Variants in PGGT1B observed in about 807,000 individuals in gnomAD.
The protein encoded by PGGT1B is geranylgeranyl transferase type-1 subunit beta.
Under a neutral mutation model 46.1 loss-of-function variants are expected in PGGT1B, and 30 were observed. The ratio of observed to expected loss-of-function variants is 0.65; its 90% CI spans 0.49 to 0.88. The LOEUF (loss-of-function observed/expected upper bound fraction) is 0.88, where lower values mean the gene tolerates loss of function less well. Among genes scored for constraint, PGGT1B ranks in the 40% least tolerant of loss-of-function variants. The pLI is 0.00. For synonymous variants in PGGT1B, 170 were observed against 160.0 expected, an observed-to-expected ratio of 1.06 and a Z score of -0.47; for missense variants, 376 against 455.9, an observed-to-expected ratio of 0.82 and a Z score of 1.60.
At chr5:115,234,970 CT>C (rs796318876) in intron 5 of PGGT1B, among the ~76,000 whole-genome samples, 8 of 152,102 alleles carry the variant, frequency 5.3e-5, no homozygotes, top group African/African-American at 1.9e-4. Context: ...AATGAGCATA[CT>C]TAGTACCCAG....
At chr5:115,216,264 C>T (rs1461471731) in intron 8 of PGGT1B, among the ~76,000 whole-genome samples, 1 of 152,090 alleles carries the variant, frequency 6.6e-6, no homozygotes, top group African/African-American at 2.4e-5. Context: ...CTCAGACTCC[C>T]GCATAGCTGG....
chr5:115,229,669 A>G (rs1173675522), intron 6 of PGGT1B, among the ~76,000 whole-genome samples: 1 of 152,134 alleles, frequency 6.6e-6, no homozygotes, highest in Non-Finnish European at 1.5e-5. Flanking sequence ...CAGAGTGTAC[A>G]CTAATACCAC....
chr5:115,251,245 T>C (rs1340888827), intron 2 of PGGT1B, among the ~76,000 whole-genome samples: 4 of 152,230 alleles, frequency 2.6e-5, no homozygotes, highest in Admixed American at 1.3e-4. Context: ...TGCTACATTT[T>C]TGTGAACCCT....
intron 2 of PGGT1B, among the ~76,000 whole-genome samples, chr5:115,248,001 T>A (rs1454397645): frequency 6.6e-6 from 1 of 152,208 alleles, no homozygotes. Flanking sequence ...TGCAACACGC[T>A]TGACTTAGCC....
chr5:115,240,331 T>G (rs990017686), intron 3 of PGGT1B, among the ~76,000 whole-genome samples: 12 of 152,198 alleles, frequency 7.9e-5, no homozygotes, highest in African/African-American at 2.4e-4. Context: ...AAAAGTAATG[T>G]TATTAAAGCA....
chr5:115,239,034 C>G (rs34434304), intron 3 of PGGT1B, among the ~76,000 whole-genome samples: 25,639 of 151,950 alleles, frequency 0.17, 2,767 homozygotes, highest in Middle Eastern at 0.33. Flanking sequence ...ACCTACCCAC[C>G]TTTAGATACA....
At chr5:115,214,058 T>C (rs892579372) in intron 8 of PGGT1B, among the ~76,000 whole-genome samples, 1 of 152,176 alleles carries the variant, frequency 6.6e-6, no homozygotes. Flanking sequence ...ATTACATCCA[T>C]ATAGTTATTC....
In PGGT1B at chr5:115,207,211, T is replaced by TA. The variant is rs1480691888; in HGVS notation, c.*5190_*5191insT. On this transcript the variant is annotated 3_prime_UTR_variant, in exon 9 of 9. Coordinates refer to ENST00000419445, the MANE Select transcript of PGGT1B (RefSeq NM_005023.4). ...TATATATATATATATATATATAGTCTTGTTACTCTTTTTAGTAAACATTTT... is the reference window on the plus strand; with the variant it reads ...TATATATATATATATATATATAGTCTATGTTACTCTTTTTAGTAAACATTTT... 22 of 40,158 alleles carry TA rather than the reference T, an allele frequency of 5.5e-4. No homozygotes were observed. The South Asian group carries it at 9.9e-3, about 18-fold the overall frequency. The allele number at this position is 40,158 out of a possible 1,614,324, so 2.5% of individuals were successfully genotyped here.
At chr5:115,239,046 A>T (rs1402437152) in intron 3 of PGGT1B, among the ~76,000 whole-genome samples, 5 of 146,406 alleles carry the variant, frequency 3.4e-5, no homozygotes, top group Admixed American at 2.0e-4. Context: ...TTAGATACAC[A>T]TTTTTTTTTT....
chr5:115,252,512 T>C (rs1366119536), intron 2 of PGGT1B, among the ~76,000 whole-genome samples: 1 of 152,026 alleles, frequency 6.6e-6, no homozygotes, highest in African/African-American at 2.4e-5. Context: ...ATTTATAACA[T>C]GTATAAGTTA....
rs889745236 is a variant in PGGT1B, at chr5:115,247,356, A to C, written c.260-5750T>G. Reference sequence around the variant, plus strand: ...ATTATATTTAGGTATAATAAAGGACAGCTCTTGGGCCAAAATATCACCATA... The same window carrying C: ...ATTATATTTAGGTATAATAAAGGACCGCTCTTGGGCCAAAATATCACCATA... On this transcript the variant is annotated intron_variant, in intron 2 of 8. Coordinates refer to ENST00000419445, the MANE Select transcript of PGGT1B (RefSeq NM_005023.4). Among the ~76,000 whole-genome samples, 4 of 152,176 alleles carry C rather than the reference A, an allele frequency of 2.6e-5. No homozygotes were observed. The East Asian group carries it at 7.7e-4, about 29-fold the overall frequency.
rs1756172840 is a variant in PGGT1B, at chr5:115,209,912, C to T, written c.*2490G>A. ...AGATCATGCTGCTGAACTGGCAAAT[C>T]TGGGATTTAAACCCAGGTCATCTGA... On this transcript the variant is annotated 3_prime_UTR_variant, in exon 9 of 9. Transcript: ENST00000419445. The T allele has an allele frequency of 1.3e-5, 2 of 152,052 alleles. No homozygotes were observed. Among genetic ancestry groups the T allele is most frequent in the Non-Finnish European group, 2.9e-5 (2 of 67,990 alleles). The allele number at this position is 152,052 out of a possible 1,614,324, so 9.4% of individuals were successfully genotyped here.
intron 2 of PGGT1B, among the ~76,000 whole-genome samples, chr5:115,248,959 G>A (rs1306926951): frequency 6.6e-6 from 1 of 152,062 alleles, no homozygotes; most frequent in Non-Finnish European, 1.5e-5. Flanking sequence ...CAGTATTTAC[G>A]TATAGCTATG....
intron 3 of PGGT1B, among the ~76,000 whole-genome samples, chr5:115,241,024 A>G (rs764395387): frequency 5.3e-5 from 8 of 152,212 alleles, no homozygotes; most frequent in Admixed American, 2.6e-4. Flanking sequence ...GGATATAACC[A>G]TGAAGAAGTT....
intron 2 of PGGT1B, among the ~76,000 whole-genome samples, chr5:115,246,183 C>G (rs929291553): frequency 6.6e-6 from 1 of 151,938 alleles, no homozygotes; most frequent in African/African-American, 2.4e-5. Flanking sequence ...GAATTCTACC[C>G]CATCTCTACT....
chr5:115,247,549 T>C (rs1179266427), intron 2 of PGGT1B, among the ~76,000 whole-genome samples: 1 of 152,160 alleles, frequency 6.6e-6, no homozygotes, highest in African/African-American at 2.4e-5. Flanking sequence ...TTATATTTTA[T>C]GGATAGAGAA....
chr5:115,228,235 G>C (rs970563328), intron 6 of PGGT1B, among the ~76,000 whole-genome samples: 3 of 152,148 alleles, frequency 2.0e-5, no homozygotes, highest in Non-Finnish European at 4.4e-5. Flanking sequence ...AGTTTTGGGT[G>C]CCATCAACAC....
intron 1 of PGGT1B, among the ~76,000 whole-genome samples, chr5:115,261,472 T>A (rs1748553120): frequency 6.6e-6 from 1 of 152,210 alleles, no homozygotes; most frequent in African/African-American, 2.4e-5. Flanking sequence ...CACTGGCCAA[T>A]ATGGCAACTG....
chr5:115,255,902 C>G (rs534400806), intron 1 of PGGT1B, among the ~76,000 whole-genome samples: 2 of 152,252 alleles, frequency 1.3e-5, no homozygotes, highest in African/African-American at 4.8e-5. Flanking sequence ...TCATTAGAAT[C>G]TGCTTAAAAA....
Sources: gnomAD v4.1 joint callset for allele counts (sites outside exome capture counted in the v4.1 genomes callset) on GRCh38, gnomAD v4.1.1 for gene constraint, MANE v1.5 for transcripts, NCBI Gene and HGNC (gene_info 2026-07-23, HGNC 2026-07-21) for gene names.